GBE1: variants seen among roughly 807,000 people sequenced by gnomAD.
The protein encoded by GBE1 is 1,4-alpha-glucan-branching enzyme.
In GBE1, 70 loss-of-function variants were observed where a neutral mutation model predicts 88.8. The ratio of observed to expected loss-of-function variants is 0.79; its 90% CI spans 0.65 to 0.96. The LOEUF (loss-of-function observed/expected upper bound fraction) is 0.96. Among genes scored for constraint, GBE1 ranks in the 40% least tolerant of loss-of-function variants. The pLI, the probability that GBE1 is intolerant of heterozygous loss-of-function variation, is 0.00. For synonymous variants in GBE1, 284 were observed against 300.1 expected (o/e 0.95, Z 0.56); for missense variants, 872 against 871.0 (o/e 1.00, Z -0.01).
At chr3:81,525,867 T>A (rs1702936509) in intron 14 of GBE1, among the ~76,000 whole-genome samples, 1 of 151,988 alleles carries the variant, frequency 6.6e-6, no homozygotes, top group African/African-American at 2.4e-5. Context: ...TTCTGGGGGT[T>A]GGTGGTGATA....
At chr3:81,537,850 G>C (rs1159489185) in intron 12 of GBE1, among the ~76,000 whole-genome samples, 1 of 151,724 alleles carries the variant, frequency 6.6e-6, no homozygotes, top group Admixed American at 6.6e-5. Flanking sequence ...CCTGGCTGGG[G>C]ATCTATATAA....
rs185070968 is a variant in GBE1 at position 81,551,090 on chromosome 3, C to T, written c.1619-13995G>A. On this transcript the variant is annotated intron_variant, in intron 12 of 15. Coordinates refer to ENST00000429644, the MANE Select transcript of GBE1 (RefSeq NM_000158.4). Reference sequence around the variant, plus strand: ...TTCTCTCATGTCTTTCTCCTGCACACTCCTCCCTTAAAAGATACAAGCCAA... The same window carrying T: ...TTCTCTCATGTCTTTCTCCTGCACATTCCTCCCTTAAAAGATACAAGCCAA... 1.7e-4 allele frequency among the ~76,000 whole-genome samples: 26 copies of T among 152,348 alleles called. No individual in the cohort carries two copies. The East Asian group carries it at 3.5e-3, about 20-fold the overall frequency.
At chr3:81,578,170 G>A in intron 11 of GBE1, 74 bp from the exon 12 acceptor site, 3 of 1,027,452 alleles carry the variant, frequency 2.9e-6, no homozygotes, top group South Asian at 3.2e-5. Flanking sequence ...ATAGAACAAT[G>A]CATGGTTACA....
chr3:81,542,857 A>G (rs1232539505), intron 12 of GBE1, among the ~76,000 whole-genome samples: 6 of 152,096 alleles, frequency 3.9e-5, no homozygotes, highest in Admixed American at 6.6e-5. Flanking sequence ...ATAAAAGTTG[A>G]AATTATTTTT....
intron 2 of GBE1, among the ~76,000 whole-genome samples, chr3:81,703,732 T>C (rs887176448): frequency 5.9e-5 from 9 of 151,904 alleles, no homozygotes; most frequent in African/African-American, 1.9e-4. Flanking sequence ...AGATTGAAAA[T>C]ATTTGGAAAA....
chr3:81,667,919 A>T (rs1404365494), intron 3 of GBE1, among the ~76,000 whole-genome samples: 1 of 152,196 alleles, frequency 6.6e-6, no homozygotes, highest in Admixed American at 6.5e-5. Context: ...ACACATGGTC[A>T]TATATGTTTA....
intron 2 of GBE1, among the ~76,000 whole-genome samples, chr3:81,684,463 G>A (rs1232025194): frequency 6.6e-6 from 1 of 152,160 alleles, no homozygotes; most frequent in Non-Finnish European, 1.5e-5. Flanking sequence ...CCAACTTGCA[G>A]AGTACTGTCT....
At chr3:81,716,293 T>C (rs1225697999) in intron 1 of GBE1, among the ~76,000 whole-genome samples, 2 of 152,192 alleles carry the variant, frequency 1.3e-5, no homozygotes, top group African/African-American at 2.4e-5. Context: ...GAAGAGATCA[T>C]TAAGTATTTG....
chr3:81,514,372 T>C (rs1457273607), intron 14 of GBE1, among the ~76,000 whole-genome samples: 1 of 151,660 alleles, frequency 6.6e-6, no homozygotes, highest in Non-Finnish European at 1.5e-5. Flanking sequence ...AATTAAATAA[T>C]TTTATTTGAT....
chr3:81,703,092 A>T (rs1359548421), intron 2 of GBE1, among the ~76,000 whole-genome samples: 1 of 151,972 alleles, frequency 6.6e-6, no homozygotes, highest in Non-Finnish European at 1.5e-5. Flanking sequence ...AAACATTCTC[A>T]ATATCCTCAA....
At chr3:81,579,072 T>C (rs192547175) in intron 11 of GBE1, among the ~76,000 whole-genome samples, 3 of 152,092 alleles carry the variant, frequency 2.0e-5, no homozygotes, top group Admixed American at 2.0e-4. Context: ...CTGATTCTAT[T>C]ATAAAATTAT....
intron 1 of GBE1, among the ~76,000 whole-genome samples, chr3:81,750,563 G>GTATA (rs747771179): frequency 1.9e-5 from 1 of 53,600 alleles, no homozygotes; most frequent in African/African-American, 1.1e-4. Context: ...ATATATATAT[G>GTATA]TATATATATA....
chr3:81,630,116 T>C (rs1457181069), intron 7 of GBE1, among the ~76,000 whole-genome samples: 9 of 152,194 alleles, frequency 5.9e-5, no homozygotes, highest in Admixed American at 5.2e-4. Context: ...CAGTCTATCA[T>C]TGTTGGACAT....
At chr3:81,752,614 A>G (rs575371199) in intron 1 of GBE1, among the ~76,000 whole-genome samples, 7 of 152,332 alleles carry the variant, frequency 4.6e-5, no homozygotes, top group African/African-American at 1.7e-4. Context: ...TTCAGCTTAT[A>G]GTAAACTGGC....
chr3:81,705,681 A>C (rs1303794013), intron 1 of GBE1, 68 bp from the exon 2 acceptor site: 6 of 1,020,784 alleles, frequency 5.9e-6, no homozygotes, highest in Non-Finnish European at 8.4e-6. Flanking sequence ...TACTGTAATT[A>C]AGTAACTGCT....
At chr3:81,503,752 G>A (rs1265842222) in intron 14 of GBE1, among the ~76,000 whole-genome samples, 1 of 151,982 alleles carries the variant, frequency 6.6e-6, no homozygotes. Context: ...TCTATATGCG[G>A]CACCAATTTT....
chr3:81,680,099 A>C (rs1414101785), intron 2 of GBE1, among the ~76,000 whole-genome samples: 1 of 152,188 alleles, frequency 6.6e-6, no homozygotes, highest in African/African-American at 2.4e-5. Flanking sequence ...GAAAATATGT[A>C]ATTTCATTTC....
chr3:81,741,546 T>C (rs1706348965), intron 1 of GBE1, among the ~76,000 whole-genome samples: 1 of 152,000 alleles, frequency 6.6e-6, no homozygotes, highest in Non-Finnish European at 1.5e-5. Context: ...CTCCTTAATG[T>C]TATGATGAGT....
At chr3:81,604,640 T>C (rs1052049454) in intron 7 of GBE1, among the ~76,000 whole-genome samples, 1 of 152,116 alleles carries the variant, frequency 6.6e-6, no homozygotes, top group Admixed American at 6.6e-5. Flanking sequence ...AGTTAAATAA[T>C]GTTTTCATAG....
Sources: allele counts gnomAD v4.1 joint callset (sites outside exome capture counted in the v4.1 genomes callset), GRCh38; gene constraint gnomAD v4.1.1; transcripts MANE v1.5; gene names NCBI Gene and HGNC (gene_info 2026-07-23, HGNC 2026-07-21).